CABLES1: variants seen among roughly 807,000 people sequenced by gnomAD.
CABLES1 encodes the protein CDK5 and ABL1 enzyme substrate 1.
CABLES1 carries 36 observed loss-of-function variants against 57.8 expected under a neutral mutation model. The observed-to-expected ratio is 0.62, with a 90% confidence interval of 0.48 to 0.82. The LOEUF is 0.82. Among genes scored for constraint, CABLES1 ranks in the 40% least tolerant of loss-of-function variants. The pLI is 0.00. For missense variants in CABLES1, 767 were observed against 836.6 expected, an observed-to-expected ratio of 0.92 and a Z score of 1.03; for synonymous variants, 374 against 363.0, an observed-to-expected ratio of 1.03 and a Z score of -0.35.
chr18:23,178,714 A>G (rs1379028016), intron 1 of CABLES1, among the ~76,000 whole-genome samples: 1 of 152,238 alleles, frequency 6.6e-6, no homozygotes, highest in Non-Finnish European at 1.5e-5. Flanking sequence ...AGTTCCTGTC[A>G]GCTCTAAATA....
chr18:23,201,251 C>T (rs2047323233), intron 3 of CABLES1, among the ~76,000 whole-genome samples: 1 of 152,340 alleles, frequency 6.6e-6, no homozygotes, highest in Middle Eastern at 3.4e-3. Context: ...CCACCCCAGG[C>T]TCACAATGCA....
chr18:23,145,530 A>C (rs1465942816), intron 1 of CABLES1, among the ~76,000 whole-genome samples: 2 of 152,182 alleles, frequency 1.3e-5, no homozygotes, highest in Non-Finnish European at 2.9e-5. Flanking sequence ...CAGGGTCACC[A>C]TTATCCATTT....
chr18:23,255,054 T>C (rs1371755007), intron 9 of CABLES1, among the ~76,000 whole-genome samples: 1 of 152,192 alleles, frequency 6.6e-6, no homozygotes, highest in African/African-American at 2.4e-5. Context: ...TGATGGGCTG[T>C]GGGGCCTAGG....
intron 1 of CABLES1, among the ~76,000 whole-genome samples, chr18:23,147,320 A>G (rs2046897608): frequency 6.6e-6 from 1 of 152,246 alleles, no homozygotes; most frequent in Admixed American, 6.5e-5. Flanking sequence ...CACCTTTTGG[A>G]CAACACGCTT....
At chr18:23,257,199 C>T in intron 9 of CABLES1, 28 bp from the exon 10 acceptor site, 3 of 1,606,366 alleles carry the variant, frequency 1.9e-6, no homozygotes, top group Non-Finnish European at 2.5e-6. Context: ...TCAAAATGAA[C>T]ATGCTTTTGA....
At chr18:23,234,578 A>G (rs770096844) in intron 4 of CABLES1, 30 bp from the exon 5 acceptor site, 1 of 1,535,578 alleles carries the variant, frequency 6.5e-7, no homozygotes, top group East Asian at 2.3e-5. Context: ...ACACAAAAGC[A>G]TTTTTTTTTC....
chr18:23,195,324 T>TA (rs1352017576), intron 3 of CABLES1, among the ~76,000 whole-genome samples: 1 of 152,196 alleles, frequency 6.6e-6, no homozygotes, highest in Admixed American at 6.5e-5. Flanking sequence ...ATGGGTGAGT[T>TA]AGAGACGCCA....
In CABLES1 at chr18:23,173,153, G is replaced by A. The variant is rs547897294; in HGVS notation, c.846-15685G>A. 6.3e-4 allele frequency among the ~76,000 whole-genome samples: 96 copies of A among 152,292 alleles called. No homozygotes were observed. The Middle Eastern group carries it at 0.02, about 32-fold the overall frequency. Reference sequence around the variant, plus strand: ...TGTCAGCAGGTGCTGAGTGACACGCGGCTCTGATGGGTGGCTGGGGATGGA... The same window carrying A: ...TGTCAGCAGGTGCTGAGTGACACGCAGCTCTGATGGGTGGCTGGGGATGGA... On this transcript the variant is annotated intron_variant, in intron 1 of 9. Transcript: ENST00000256925.
chr18:23,201,182 G>A (rs188721246), intron 3 of CABLES1, among the ~76,000 whole-genome samples: 63 of 152,342 alleles, frequency 4.1e-4, no homozygotes, highest in African/African-American at 1.2e-3. Flanking sequence ...TGATTATAGC[G>A]CAGGATACAG....
intron 1 of CABLES1, among the ~76,000 whole-genome samples, chr18:23,172,267 C>T (rs569959373): frequency 1.3e-5 from 2 of 152,262 alleles, no homozygotes; most frequent in South Asian, 4.1e-4. Context: ...TGAACCCTGC[C>T]CTCCCTGTTC....
chr18:23,198,654 A>G (rs2047302106), intron 3 of CABLES1, among the ~76,000 whole-genome samples: 1 of 152,234 alleles, frequency 6.6e-6, no homozygotes. Context: ...GTCAAGAGTG[A>G]TGCAATAGGA....
chr18:23,249,008 G>A (rs1968470), intron 7 of CABLES1, among the ~76,000 whole-genome samples: 92,377 of 152,048 alleles, frequency 0.61, 28,328 homozygotes, highest in South Asian at 0.71. Flanking sequence ...TGGGAAACTG[G>A]CGCTGGCACT....
intron 3 of CABLES1, among the ~76,000 whole-genome samples, chr18:23,200,509 G>A (rs573872518): frequency 1.9e-3 from 294 of 152,184 alleles, no homozygotes; most frequent in African/African-American, 5.4e-3. Context: ...TGATCCGCCC[G>A]CCTTGGCCTC....
intron 4 of CABLES1, among the ~76,000 whole-genome samples, chr18:23,221,334 G>A (rs753921588): frequency 2.0e-5 from 3 of 152,174 alleles, no homozygotes; most frequent in South Asian, 2.1e-4. Flanking sequence ...ATAACTGTCC[G>A]TCTTCATGTT....
intron 2 of CABLES1, among the ~76,000 whole-genome samples, chr18:23,193,392 A>G (rs1430317005): frequency 1.3e-5 from 2 of 151,990 alleles, no homozygotes; most frequent in Non-Finnish European, 2.9e-5. Context: ...GGGTTTCACC[A>G]TATTGGCCAG....
rs919897774 is a variant in CABLES1, at chr18:23,173,917, C to T, written c.846-14921C>T. Among the ~76,000 whole-genome samples the T allele has an allele frequency of 2.0e-5, 3 of 152,130 alleles. No individual in the cohort carries two copies. The East Asian group carries it at 5.8e-4, about 29-fold the overall frequency. ...GTCAGAGGTTGCAGTGAGCTGAGAT[C>T]GCACCACTGCACTCCAGCCTGGGTA... is the stretch of plus-strand genomic sequence containing the variant. On this transcript the variant is annotated intron_variant, in intron 1 of 9. Transcript: ENST00000256925.
rs1267267599 is a variant in CABLES1, at chr18:23,222,532, G to C, written c.1088+8478G>C. 2.2e-5 allele frequency among the ~76,000 whole-genome samples: 3 copies of C among 133,534 alleles called. No homozygotes were observed. In the South Asian group the frequency reaches 7.2e-4, roughly 32 times the overall value. 87.6% of individuals were successfully genotyped at this position (133,534 alleles called of 152,430 possible). A position where few individuals can be genotyped will look rare whatever the true frequency, so the allele number is the denominator to read the frequency against. On this transcript the variant is annotated intron_variant, in intron 4 of 9. Transcript: ENST00000256925. ...GTGCTCACGTTCTCTCTCTCTCTCT[G>C]TCTCTCTCTCTATATATATCTATAT... is the stretch of plus-strand genomic sequence containing the variant.
intron 1 of CABLES1, among the ~76,000 whole-genome samples, chr18:23,157,029 A>G (rs2046970412): frequency 6.6e-6 from 1 of 152,200 alleles, no homozygotes; most frequent in Admixed American, 6.5e-5. Context: ...GCCACTTTGT[A>G]CACACTCATG....
intron 7 of CABLES1, 51 bp from the exon 8 acceptor site, chr18:23,252,909 A>T: frequency 8.0e-7 from 1 of 1,251,990 alleles, no homozygotes; most frequent in Non-Finnish European, 1.2e-6. Context: ...CATAATTATT[A>T]CATACGACCC....
Sources: gnomAD v4.1 joint callset for allele counts (sites outside exome capture counted in the v4.1 genomes callset) on GRCh38, gnomAD v4.1.1 for gene constraint, MANE v1.5 for transcripts, NCBI Gene and HGNC (gene_info 2026-07-23, HGNC 2026-07-21) for gene names.